Variants in KHDRBS2 observed in about 807,000 individuals in gnomAD.
KHDRBS2 encodes the protein KH RNA binding domain containing, signal transduction associated 2.
In KHDRBS2, 26 loss-of-function variants were observed where a neutral mutation model predicts 44.3. The observed-to-expected ratio is 0.59, with a 90% CI of 0.43 to 0.81. The LOEUF (loss-of-function observed/expected upper bound fraction) is 0.81. Among genes scored for constraint, KHDRBS2 ranks in the 40% least tolerant of loss-of-function variants. The probability of loss-of-function intolerance (pLI) is 0.00; values close to 1 mark genes in which losing one functional copy is unlikely to be tolerated. For missense variants in KHDRBS2, 476 were observed against 433.1 expected (o/e 1.10, Z -0.88); for synonymous variants, 194 against 151.1 (o/e 1.28, Z -2.08).
chr6:61,958,561 T>A (rs888532630), intron 4 of KHDRBS2, among the ~76,000 whole-genome samples: 1 of 152,206 alleles, frequency 6.6e-6, no homozygotes, highest in Non-Finnish European at 1.5e-5. Flanking sequence ...GTATTCCACT[T>A]CAGTGATCCA....
chr6:62,228,077 T>C (rs547204835), intron 1 of KHDRBS2, among the ~76,000 whole-genome samples: 215 of 152,264 alleles, frequency 1.4e-3, no homozygotes, highest in Non-Finnish European at 2.5e-3. Context: ...CTATTGTTTG[T>C]AATAATTTCA....
At chr6:62,099,577 G>A (rs963967618) in intron 2 of KHDRBS2, among the ~76,000 whole-genome samples, 1 of 152,188 alleles carries the variant, frequency 6.6e-6, no homozygotes, top group African/African-American at 2.4e-5. Context: ...ACTTGGGTCA[G>A]GAACCGTGGG....
the KHDRBS2 span, among the ~76,000 whole-genome samples, chr6:61,572,771 C>A: frequency 2.6e-5 from 4 of 152,022 alleles, no homozygotes; most frequent in Admixed American, 6.6e-5. Context: ...TCCAGTATAC[C>A]TTTATGATTA....
chr6:61,673,021 G>C, the KHDRBS2 span, among the ~76,000 whole-genome samples: 2 of 151,656 alleles, frequency 1.3e-5, no homozygotes, highest in Non-Finnish European at 2.9e-5. Flanking sequence ...ATTGATTTTT[G>C]TATAAGGTGT....
intron 1 of KHDRBS2, among the ~76,000 whole-genome samples, chr6:62,203,301 G>T (rs1375766802): frequency 1.3e-5 from 2 of 152,060 alleles, no homozygotes; most frequent in Non-Finnish European, 2.9e-5. Context: ...TGGGAGGGCA[G>T]GGCTACAGAT....
At chr6:61,834,548 T>C (rs896568348) in intron 6 of KHDRBS2, among the ~76,000 whole-genome samples, 3 of 152,056 alleles carry the variant, frequency 2.0e-5, no homozygotes, top group African/African-American at 7.2e-5. Context: ...TAAGGGCATC[T>C]ATTGTGTTTG....
chr6:61,609,591 T>G, the KHDRBS2 span, among the ~76,000 whole-genome samples: 4 of 152,176 alleles, frequency 2.6e-5, no homozygotes, highest in Admixed American at 2.0e-4. Context: ...TTTGTAAAAT[T>G]TGTATGCTAT....
chr6:61,550,929 C>T, the KHDRBS2 span, among the ~76,000 whole-genome samples: 2 of 151,848 alleles, frequency 1.3e-5, no homozygotes, highest in African/African-American at 4.8e-5. Flanking sequence ...CATGCCACCA[C>T]GCCTGGCCAA....
the KHDRBS2 span, among the ~76,000 whole-genome samples, chr6:61,663,419 A>T: frequency 1.7e-4 from 24 of 143,820 alleles, no homozygotes; most frequent in African/African-American, 5.8e-4. Context: ...AATTAAATTA[A>T]AAAAATAAAA....
At chr6:62,272,260 T>C (rs1840214043) in intron 1 of KHDRBS2, among the ~76,000 whole-genome samples, 1 of 152,202 alleles carries the variant, frequency 6.6e-6, no homozygotes, top group African/African-American at 2.4e-5. Flanking sequence ...GTACACTTTC[T>C]GATGTTCACA....
intron 6 of KHDRBS2, among the ~76,000 whole-genome samples, chr6:61,866,005 T>G (rs1002860302): frequency 2.9e-4 from 44 of 152,314 alleles, no homozygotes; most frequent in African/African-American, 1.0e-3. Context: ...GTTGTGTGTC[T>G]CCAGCTTCCA....
rs142092820 is a variant in KHDRBS2, at chr6:61,734,491, G to A, written c.811-1727C>T. Among the ~76,000 whole-genome samples, 319 of 151,946 alleles carry A rather than the reference G, an allele frequency of 2.1e-3. 3 individuals carry two copies. The highest frequency in any genetic ancestry group is 6.9e-3 in the African/African-American group (287 of 41,502). On this transcript the variant is annotated intron_variant, in intron 6 of 8. Transcript: ENST00000281156. Reference sequence around the variant, plus strand: ...TATTAAGTAATATAGCTAAGTTATTGTTGTTGGATTTATAAATTTTGTCAT... The same window carrying A: ...TATTAAGTAATATAGCTAAGTTATTATTGTTGGATTTATAAATTTTGTCAT...
rs546655750 is a variant in KHDRBS2, at chr6:62,165,460, A to G, written c.219+11725T>C. On this transcript the variant is annotated intron_variant, in intron 2 of 8. Coordinates refer to ENST00000281156, the MANE Select transcript of KHDRBS2 (RefSeq NM_152688.4). ...AATTACATGCGTCCATGTTTATTTAATAAGAAATAGAAACTTGGCTTTATT... is the reference window on the plus strand; with the variant it reads ...AATTACATGCGTCCATGTTTATTTAGTAAGAAATAGAAACTTGGCTTTATT... Among the ~76,000 whole-genome samples the G allele has an allele frequency of 1.0e-3, 154 of 151,634 alleles. 1 individual carries two copies. The highest frequency in any genetic ancestry group is 1.8e-3 in the Non-Finnish European group (125 of 67,776).
rs1293196774 is a variant in KHDRBS2 at position 61,945,100 on chromosome 6, AAAAAAAAAAAAAGTATATATATATATAT to A, written c.483+32938_483+32965del. On this transcript the variant is annotated intron_variant, in intron 4 of 8. Coordinates refer to ENST00000281156, the MANE Select transcript of KHDRBS2 (RefSeq NM_152688.4). ...AGTGAGACTCTGTCTTAAAAAAAAA[AAAAAAAAAAAAAGTATATATATATATAT>A]ATATATATATATATATATATATACA... 5.1e-4 allele frequency among the ~76,000 whole-genome samples: 27 copies of A among 52,476 alleles called. 1 individual carries two copies. The highest frequency in any genetic ancestry group is 2.3e-3 in the South Asian group (3 of 1,316). 34.4% of individuals were successfully genotyped at this position (52,476 alleles called of 152,430 possible).
chr6:62,074,177 C>T (rs1439881165), intron 2 of KHDRBS2, among the ~76,000 whole-genome samples: 4 of 151,842 alleles, frequency 2.6e-5, no homozygotes, highest in Non-Finnish European at 5.9e-5. Flanking sequence ...GGATCTTAAA[C>T]ACAATCTCTA....
At chr6:62,090,958 T>C (rs778837177) in intron 2 of KHDRBS2, among the ~76,000 whole-genome samples, 2 of 152,190 alleles carry the variant, frequency 1.3e-5, no homozygotes, top group South Asian at 2.1e-4. Context: ...GAGCTCTTTA[T>C]GAAAAATAGT....
chr6:61,861,301 C>G (rs374426581), intron 6 of KHDRBS2, among the ~76,000 whole-genome samples: 1 of 152,010 alleles, frequency 6.6e-6, no homozygotes, highest in African/African-American at 2.4e-5. Flanking sequence ...TGCCTGTGTC[C>G]TGAATGGTAA....
intron 2 of KHDRBS2, among the ~76,000 whole-genome samples, chr6:62,147,041 T>C (rs114945851): frequency 2.0e-5 from 3 of 152,064 alleles, no homozygotes; most frequent in Non-Finnish European, 4.4e-5. Context: ...TAAAAATGCT[T>C]ATAAGATATA....
chr6:61,813,884 G>A, intron 6 of KHDRBS2: 1 of 455,702 alleles, frequency 2.2e-6, no homozygotes. Flanking sequence ...CACACACTAG[G>A]CACTTTGCCT....
Sources: gnomAD v4.1 joint callset for allele counts (sites outside exome capture counted in the v4.1 genomes callset) on GRCh38, gnomAD v4.1.1 for gene constraint, MANE v1.5 for transcripts, NCBI Gene and HGNC (gene_info 2026-07-23, HGNC 2026-07-21) for gene names.